Variants in NTNG1 observed in about 807,000 individuals in gnomAD.
NTNG1 encodes the protein netrin G1.
In NTNG1, 16 loss-of-function variants were observed where a neutral mutation model predicts 54.0. The observed-to-expected ratio is 0.30, with a 90% CI of 0.20 to 0.45. The LOEUF (loss-of-function observed/expected upper bound fraction) is 0.45, where lower values mean the gene tolerates loss of function less well. Among genes scored for constraint, NTNG1 ranks in the 20% least tolerant of loss-of-function variants. The pLI, the probability that NTNG1 is intolerant of heterozygous loss-of-function variation, is 1.00. For synonymous variants in NTNG1, 255 were observed against 263.1 expected (o/e 0.97, Z 0.30); for missense variants, 530 against 678.7 (o/e 0.78, Z 2.43).
chr1:107,275,476 T>C (rs916098142), intron 2 of NTNG1, among the ~76,000 whole-genome samples: 1 of 152,154 alleles, frequency 6.6e-6, no homozygotes, highest in Non-Finnish European at 1.5e-5. Context: ...AGATCTGCAG[T>C]TGGCAAGCTG....
chr1:107,213,939 T>G (rs1659769299), intron 2 of NTNG1, among the ~76,000 whole-genome samples: 1 of 152,198 alleles, frequency 6.6e-6, no homozygotes, highest in Admixed American at 6.5e-5. Context: ...TTTATTGGTT[T>G]GTAGGTTTTA....
chr1:107,300,402 G>A (rs1180945887), intron 2 of NTNG1, among the ~76,000 whole-genome samples: 1 of 152,148 alleles, frequency 6.6e-6, no homozygotes, highest in Non-Finnish European at 1.5e-5. Context: ...AGTAACAGCT[G>A]GAGCTGAGTA....
At chr1:107,208,341 A>C (rs555741849) in intron 2 of NTNG1, among the ~76,000 whole-genome samples, 23 of 151,852 alleles carry the variant, frequency 1.5e-4, no homozygotes, top group African/African-American at 5.3e-4. Context: ...GAGGCAGGAG[A>C]ATCACTTGAA....
intron 4 of NTNG1, among the ~76,000 whole-genome samples, chr1:107,405,891 C>T (rs1673386445): frequency 1.3e-5 from 2 of 152,080 alleles, no homozygotes; most frequent in South Asian, 4.1e-4. Flanking sequence ...GATTCAGTAT[C>T]AAGTCACTGT....
chr1:107,192,711 G>T (rs1658052594), intron 2 of NTNG1, among the ~76,000 whole-genome samples: 1 of 151,964 alleles, frequency 6.6e-6, no homozygotes, highest in Non-Finnish European at 1.5e-5. Flanking sequence ...TGCCATTCCT[G>T]GGTAACTAAA....
intron 7 of NTNG1, among the ~76,000 whole-genome samples, chr1:107,443,180 A>G (rs534988579): frequency 6.6e-6 from 1 of 152,192 alleles, no homozygotes; most frequent in South Asian, 2.1e-4. Context: ...ACCTCAGTTT[A>G]TAGTAAGAAC....
chr1:107,418,443 A>G (rs1231308488), intron 5 of NTNG1: 1 of 541,800 alleles, frequency 1.8e-6, no homozygotes, highest in Non-Finnish European at 3.3e-6. Context: ...TGTGGGAGTC[A>G]TGTTTTGTTT....
At chr1:107,476,308 T>G (rs919875828) in intron 7 of NTNG1, among the ~76,000 whole-genome samples, 6 of 152,210 alleles carry the variant, frequency 3.9e-5, no homozygotes, top group Non-Finnish European at 8.8e-5. Flanking sequence ...ACTTGGTCTA[T>G]ATTCTTCTAG....
chr1:107,146,291 T>G (rs1025638999), intron 1 of NTNG1, among the ~76,000 whole-genome samples: 2 of 152,090 alleles, frequency 1.3e-5, no homozygotes, highest in African/African-American at 4.8e-5. Context: ...CTGCTTCAGT[T>G]ATAATGCCTC....
intron 4 of NTNG1, among the ~76,000 whole-genome samples, chr1:107,402,978 A>G (rs1041485357): frequency 3.3e-5 from 5 of 152,130 alleles, no homozygotes; most frequent in Admixed American, 6.5e-5. Flanking sequence ...TCTTCCATTG[A>G]TTCTCAAAAG....
chr1:107,459,065 GA>G (rs1209091260), intron 7 of NTNG1, among the ~76,000 whole-genome samples: 1 of 151,962 alleles, frequency 6.6e-6, no homozygotes, highest in African/African-American at 2.4e-5. Context: ...TTTTACCACT[GA>G]AAAATGGCAT....
intron 7 of NTNG1, among the ~76,000 whole-genome samples, chr1:107,447,889 A>G (rs1676401197): frequency 6.6e-6 from 1 of 152,124 alleles, no homozygotes; most frequent in Non-Finnish European, 1.5e-5. Context: ...TGCCCAAAGC[A>G]TTCACCTTTT....
chr1:107,210,606 A>G (rs1413582650), intron 2 of NTNG1, among the ~76,000 whole-genome samples: 1 of 152,184 alleles, frequency 6.6e-6, no homozygotes, highest in Non-Finnish European at 1.5e-5. Flanking sequence ...TACTCTTTTC[A>G]ATGTATTTCT....
intron 7 of NTNG1, among the ~76,000 whole-genome samples, chr1:107,454,461 G>A (rs1199548726): frequency 6.6e-6 from 1 of 152,052 alleles, no homozygotes; most frequent in Non-Finnish European, 1.5e-5. Context: ...ATTCTCATAG[G>A]CCTAAGATGT....
chr1:107,372,472 G>A (rs776321772), intron 3 of NTNG1, among the ~76,000 whole-genome samples: 2 of 151,938 alleles, frequency 1.3e-5, no homozygotes, highest in South Asian at 2.1e-4. Context: ...ATTTGGGGAT[G>A]TTTCAGACAT....
At chr1:107,347,443 T>C (rs1367602957) in intron 3 of NTNG1, among the ~76,000 whole-genome samples, 1 of 152,074 alleles carries the variant, frequency 6.6e-6, no homozygotes, top group Non-Finnish European at 1.5e-5. Context: ...TGAGTCTAGG[T>C]GATTGAGGCC....
Position 107,482,835 on chromosome 1 carries a change from A to C in NTNG1, c.*1995A>C, listed in dbSNP as rs1678810337. On this transcript the variant is annotated 3_prime_UTR_variant, in exon 8 of 8. Transcript: ENST00000370068. The stretch of plus-strand genomic sequence containing the variant: ...TTTGTTCCCAGAAAAGCCAATTCGA[A>C]GAAGGCAATAAAAGGTAAACAGGTA... 6.6e-6 allele frequency: 1 copy of C among 152,230 alleles called. No homozygotes were observed. Among genetic ancestry groups the C allele is most frequent in the Non-Finnish European group, 1.5e-5 (1 of 68,050 alleles). The allele number at this position is 152,230 out of a possible 1,614,324, so 9.4% of individuals were successfully genotyped here. A position where few individuals can be genotyped will look rare whatever the true frequency, so the allele number is the denominator to read the frequency against.
Position 107,312,119 on chromosome 1 carries a change from C to T in NTNG1, c.247-12163C>T, listed in dbSNP as rs116628835. On this transcript the variant is annotated intron_variant, in intron 2 of 7. Coordinates refer to ENST00000370068, the MANE Select transcript of NTNG1 (RefSeq NM_001113226.3). ...GTTATAAGATGGCAATACTATATGG[C>T]GGGAGATAATTTTGAGCCTATTAAT... Among the ~76,000 whole-genome samples the T allele has an allele frequency of 7.4e-3, 1,119 of 152,040 alleles. 9 individuals carry two copies. The highest frequency in any genetic ancestry group is 0.016 in the African/African-American group (677 of 41,458).
chr1:107,345,639 C>T (rs1395992869), intron 3 of NTNG1, among the ~76,000 whole-genome samples: 1 of 152,184 alleles, frequency 6.6e-6, no homozygotes, highest in African/African-American at 2.4e-5. Context: ...AACTGGCCCT[C>T]ATCTCAAACA....
Sources: allele counts gnomAD v4.1 joint callset (sites outside exome capture counted in the v4.1 genomes callset), GRCh38; gene constraint gnomAD v4.1.1; transcripts MANE v1.5; gene names NCBI Gene and HGNC (gene_info 2026-07-23, HGNC 2026-07-21).